Variants in SLC4A10 observed in about 807,000 individuals in gnomAD.
SLC4A10 encodes sodium-driven chloride bicarbonate exchanger.
Under a neutral mutation model 137.7 loss-of-function variants are expected in SLC4A10, and 42 were observed. The observed-to-expected ratio is 0.30, with a 90% CI of 0.24 to 0.39. The LOEUF is 0.39. SLC4A10 is among the 10% of genes least tolerant of loss of function. The probability of loss-of-function intolerance (pLI) is 1.00; values close to 1 mark genes in which losing one functional copy is unlikely to be tolerated. For synonymous variants in SLC4A10, 474 were observed against 464.1 expected, an observed-to-expected ratio of 1.02 and a Z score of -0.27; for missense variants, 925 against 1,355.0, an observed-to-expected ratio of 0.68 and a Z score of 4.98.
intron 11 of SLC4A10, among the ~76,000 whole-genome samples, chr2:161,896,778 A>T (rs2063552623): frequency 6.6e-6 from 1 of 152,110 alleles, no homozygotes; most frequent in Non-Finnish European, 1.5e-5. Flanking sequence ...TCTTAGTACT[A>T]CCTAACACAC....
chr2:161,684,151 G>A (rs1053759413), intron 1 of SLC4A10, among the ~76,000 whole-genome samples: 2 of 151,996 alleles, frequency 1.3e-5, no homozygotes, highest in Admixed American at 1.3e-4. Context: ...TGTCCTTTTT[G>A]TGTGTGGCTC....
intron 1 of SLC4A10, among the ~76,000 whole-genome samples, chr2:161,746,253 C>G (rs1253950849): frequency 6.6e-6 from 1 of 151,854 alleles, no homozygotes; most frequent in African/African-American, 2.4e-5. Context: ...TTAGGAATAT[C>G]CCTGGTGATT....
Position 161,863,332 on chromosome 2 carries a change from A to G in SLC4A10, c.766+270A>G, listed in dbSNP as rs558813907. ...AAAAACTTTTAGATTTGGCTGCAGA[A>G]AACATAAACAGAGCATCTGTGGCAT... On this transcript the variant is annotated intron_variant, in intron 6 of 26. Transcript: ENST00000446997. Among the ~76,000 whole-genome samples, 4 of 152,324 alleles carry G rather than the reference A, an allele frequency of 2.6e-5. No homozygotes were observed. In the East Asian group the frequency reaches 7.7e-4, roughly 29 times the overall value.
chr2:161,984,399 GAAT>G lies in SLC4A10; in HGVS notation c.*1248_*1250del, dbSNP rs1700588393. 1 of 152,112 alleles carries G rather than the reference GAAT, an allele frequency of 6.6e-6. No homozygotes were observed. The highest frequency in any genetic ancestry group is 2.1e-4 in the South Asian group (1 of 4,834). The allele number at this position is 152,112 out of a possible 1,614,324, so 9.4% of individuals were successfully genotyped here. A position where few individuals can be genotyped will look rare whatever the true frequency, so the allele number is the denominator to read the frequency against. On this transcript the variant is annotated 3_prime_UTR_variant, in exon 27 of 27. Transcript: ENST00000446997. ...TACAGTATTTGATTTCACTTTCAATGAATGTGAAGTTAATAAAACTAAATCTCA... is the reference window on the plus strand; with the variant it reads ...TACAGTATTTGATTTCACTTTCAATGGTGAAGTTAATAAAACTAAATCTCA...
chr2:161,630,255 G>T (rs1270339208), intron 1 of SLC4A10, among the ~76,000 whole-genome samples: 1 of 151,674 alleles, frequency 6.6e-6, no homozygotes, highest in East Asian at 1.9e-4. Flanking sequence ...GAGAGTTTTT[G>T]CATTCATGCT....
At chr2:161,772,192 G>C (rs1292914648) in intron 2 of SLC4A10, among the ~76,000 whole-genome samples, 1 of 151,784 alleles carries the variant, frequency 6.6e-6, no homozygotes, top group Non-Finnish European at 1.5e-5. Context: ...ATAAATTTAA[G>C]GGAGCAAAAC....
intron 19 of SLC4A10, 31 bp downstream of exon 19, chr2:161,950,879 A>G: frequency 6.5e-7 from 1 of 1,527,158 alleles, no homozygotes; most frequent in Non-Finnish European, 8.9e-7. Context: ...TAATGTAAAT[A>G]ATTATGACAA....
intron 1 of SLC4A10, among the ~76,000 whole-genome samples, chr2:161,631,042 T>C (rs1487729123): frequency 2.0e-5 from 3 of 151,748 alleles, no homozygotes; most frequent in Non-Finnish European, 4.4e-5. Flanking sequence ...TCAGGTCTTT[T>C]TGCCCACATA....
At chr2:161,886,663 C>T (rs922740729) in intron 10 of SLC4A10, among the ~76,000 whole-genome samples, 2 of 151,756 alleles carry the variant, frequency 1.3e-5, no homozygotes, top group Admixed American at 1.3e-4. Flanking sequence ...CACTAAGTCT[C>T]TGAGATTTTT....
intron 21 of SLC4A10, among the ~76,000 whole-genome samples, chr2:161,963,042 A>G (rs1382224683): frequency 6.6e-6 from 1 of 152,142 alleles, no homozygotes; most frequent in African/African-American, 2.4e-5. Context: ...TGAAACCATT[A>G]TTTTCTAAAT....
chr2:161,953,034 GCTTTTA>G (rs1224852373), intron 19 of SLC4A10, among the ~76,000 whole-genome samples: 1 of 152,110 alleles, frequency 6.6e-6, no homozygotes, highest in Non-Finnish European at 1.5e-5. Context: ...AGCATTTTCA[GCTTTTA>G]CTAATTTTCT....
At chr2:161,750,171 C>A (rs2048817928) in intron 1 of SLC4A10, among the ~76,000 whole-genome samples, 1 of 151,312 alleles carries the variant, frequency 6.6e-6, no homozygotes, top group African/African-American at 2.4e-5. Flanking sequence ...AGGGGTTTAT[C>A]AATTTTCTAT....
intron 15 of SLC4A10, among the ~76,000 whole-genome samples, chr2:161,908,448 AG>A (rs1366204299): frequency 2.1e-5 from 1 of 46,760 alleles, no homozygotes. Context: ...GGGTGGGGGG[AG>A]GGGGGAGGGA....
In SLC4A10 at chr2:161,832,496, G is replaced by C. The variant is rs77830241; in HGVS notation, c.278-7293G>C. Among the ~76,000 whole-genome samples the C allele has an allele frequency of 8.5e-3, 1,291 of 152,254 alleles. 12 individuals are homozygous for C. Among genetic ancestry groups the C allele is most frequent in the African/African-American group, 0.029 (1,223 of 41,530 alleles). On this transcript the variant is annotated intron_variant, in intron 3 of 26. Coordinates refer to ENST00000446997, the MANE Select transcript of SLC4A10 (RefSeq NM_001178015.2). Reference sequence around the variant, plus strand: ...GCAAACTTGTGGACCAAATTGTCTAGTAAGCAGAGCAATAAATATTCTTCT... The same window carrying C: ...GCAAACTTGTGGACCAAATTGTCTACTAAGCAGAGCAATAAATATTCTTCT...
At chr2:161,797,776 C>T (rs1047606780) in intron 2 of SLC4A10, among the ~76,000 whole-genome samples, 5 of 151,992 alleles carry the variant, frequency 3.3e-5, no homozygotes, top group Non-Finnish European at 7.4e-5. Flanking sequence ...TTGCTCAAGA[C>T]GGTGTTATAA....
intron 8 of SLC4A10, among the ~76,000 whole-genome samples, chr2:161,877,262 GTAT>G: frequency 6.6e-6 from 1 of 151,948 alleles, no homozygotes; most frequent in East Asian, 1.9e-4. Flanking sequence ...TAAATTTCAG[GTAT>G]TATCAATATA....
Position 161,804,491 on chromosome 2 carries a change from G to C in SLC4A10, c.173G>C (p.Gly58Ala). The change falls in exon 3 of 27, where the codon GGA becomes GCA. Residue 58 changes from glycine (G) to alanine (A), a missense_variant. By Grantham distance (60) the Gly-to-Ala change is moderately conservative (BLOSUM62 0). Around this residue, in one of 11 missense-constraint regions of SLC4A10, gnomAD observed 138 missense variants for 171.3 expected, o/e 0.81. Coordinates refer to ENST00000446997, the MANE Select transcript of SLC4A10 (RefSeq NM_001178015.2). ...ATTGGAGTACATGTGCCCTTGGGAG[G>C]AAGAAAAAGCCATCGACGTCACAGG... Reference protein sequence around the residue: ...LFIGVHVPLGGRKSHRRHRHR... With the variant: ...LFIGVHVPLGARKSHRRHRHR... 1.2e-6 allele frequency: 2 copies of C among 1,613,126 alleles called. No homozygotes were observed. Among genetic ancestry groups the C allele is most frequent in the Non-Finnish European group, 1.7e-6 (2 of 1,179,372 alleles).
chr2:161,829,900 A>G (rs2058318863), intron 3 of SLC4A10, among the ~76,000 whole-genome samples: 1 of 152,058 alleles, frequency 6.6e-6, no homozygotes, highest in African/African-American at 2.4e-5. Context: ...CCCTTATAAA[A>G]CCATCAGATC....
chr2:161,661,068 A>C (rs2038322946), intron 1 of SLC4A10, among the ~76,000 whole-genome samples: 1 of 152,176 alleles, frequency 6.6e-6, no homozygotes, highest in South Asian at 2.1e-4. Flanking sequence ...TTATAGCTTA[A>C]CGATTTTTAA....
Sources: allele counts gnomAD v4.1 joint callset (sites outside exome capture counted in the v4.1 genomes callset), GRCh38; gene constraint gnomAD v4.1.1; regional missense constraint gnomAD v4.1.1; transcripts MANE v1.5; gene names NCBI Gene and HGNC (gene_info 2026-07-23, HGNC 2026-07-21).